TBPL2: variants seen among roughly 807,000 people sequenced by gnomAD.
TBPL2 encodes TATA box-binding protein-like 2.
TBPL2 carries 40 observed loss-of-function variants against 38.2 expected under a neutral mutation model. The observed-to-expected ratio is 1.05, with a 90% confidence interval of 0.81 to 1.36. The LOEUF (loss-of-function observed/expected upper bound fraction) is 1.36. TBPL2 is among the 40% of genes most tolerant of loss of function. The pLI is 0.00. For missense variants in TBPL2, 461 were observed against 456.7 expected, an observed-to-expected ratio of 1.01 and a Z score of -0.09; for synonymous variants, 169 against 171.7, an observed-to-expected ratio of 0.98 and a Z score of 0.12.
intron 6 of TBPL2, 60 bp from the exon 7 acceptor site, chr14:55,414,515 C>T: frequency 8.0e-7 from 1 of 1,250,490 alleles, no homozygotes; most frequent in Non-Finnish European, 1.1e-6. Flanking sequence ...TTTACTTAAA[C>T]ACTAAAATTT....
intron 1 of TBPL2, among the ~76,000 whole-genome samples, chr14:55,438,395 T>A (rs1423359760): frequency 6.6e-6 from 1 of 152,204 alleles, no homozygotes; most frequent in Non-Finnish European, 1.5e-5. Flanking sequence ...TACGCTCCCA[T>A]CTTTCCCCAC....
At chr14:55,415,007 A>G (rs1885647465) in intron 6 of TBPL2, among the ~76,000 whole-genome samples, 1 of 152,188 alleles carries the variant, frequency 6.6e-6, no homozygotes, top group Non-Finnish European at 1.5e-5. Context: ...AGAAATTGTA[A>G]ATCATAACTG....
At chr14:55,422,127 A>G (rs1161474818) in intron 6 of TBPL2, among the ~76,000 whole-genome samples, 2 of 152,340 alleles carry the variant, frequency 1.3e-5, no homozygotes, top group South Asian at 2.1e-4. Flanking sequence ...GAACAGCCAC[A>G]TATGTAAAAG....
At chr14:55,423,380 C>T (rs867897964) in intron 6 of TBPL2, among the ~76,000 whole-genome samples, 16 of 152,178 alleles carry the variant, frequency 1.1e-4, no homozygotes, top group African/African-American at 3.4e-4. Flanking sequence ...TAGCCTTAAA[C>T]GAAAGTCCCA....
intron 5 of TBPL2, among the ~76,000 whole-genome samples, chr14:55,426,741 A>G (rs1241692884): frequency 6.6e-6 from 1 of 152,086 alleles, no homozygotes; most frequent in Non-Finnish European, 1.5e-5. Flanking sequence ...AGAAAAGAAA[A>G]GATGACTGAG....
chr14:55,426,772 G>A (rs752137569), intron 5 of TBPL2, among the ~76,000 whole-genome samples: 3 of 152,136 alleles, frequency 2.0e-5, no homozygotes, highest in Non-Finnish European at 2.9e-5. Context: ...TGTCCCAGGA[G>A]GAAGATAGAA....
Position 55,414,300 on chromosome 14 carries a change from G to A in TBPL2, c.*79C>T, listed in dbSNP as rs17128455. ...GTACTTGTAACATCTACAATTAAAC[G>A]TAGAAGAATCCAGCTGTTTCTGTGC... On this transcript the variant is annotated 3_prime_UTR_variant, in exon 7 of 7. Coordinates refer to ENST00000247219, the Ensembl canonical transcript of TBPL2. 3,719 of 1,086,716 alleles carry A rather than the reference G, an allele frequency of 3.4e-3. 93 individuals are homozygous for A. In the African/African-American group the frequency reaches 0.054, roughly 16 times the overall value. The allele number at this position is 1,086,716 out of a possible 1,614,324, so 67.3% of individuals were successfully genotyped here.
chr14:55,427,292 C>T (rs538039159), intron 5 of TBPL2, among the ~76,000 whole-genome samples: 2 of 151,874 alleles, frequency 1.3e-5, no homozygotes, highest in East Asian at 3.9e-4. Context: ...AGTGAAAAAA[C>T]TGAAGAAAAA....
At position 55,433,360 on chromosome 14, in the gene TBPL2, C is replaced by T. The variant is rs566621593; in HGVS notation, c.788+270G>A. Among the ~76,000 whole-genome samples the T allele has an allele frequency of 1.2e-4, 17 of 145,598 alleles. 1 individual carries two copies. In the East Asian group the frequency reaches 3.0e-3, roughly 26 times the overall value. Reference sequence around the variant, plus strand: ...CAGAGATGGAGTCTCACTGTGTTGCCCAGGCTGGTCTCAAACTCCTGGGCT... The same window carrying T: ...CAGAGATGGAGTCTCACTGTGTTGCTCAGGCTGGTCTCAAACTCCTGGGCT... On this transcript the variant is annotated intron_variant, in intron 4 of 6. Coordinates refer to ENST00000247219, the Ensembl canonical transcript of TBPL2.
intron 6 of TBPL2, among the ~76,000 whole-genome samples, chr14:55,414,811 C>A (rs969422214): frequency 6.6e-6 from 1 of 152,126 alleles, no homozygotes; most frequent in Non-Finnish European, 1.5e-5. Flanking sequence ...TTCTTTTGAT[C>A]CACGTCCTCT....
chr14:55,420,735 A>ACTT (rs35576164), intron 6 of TBPL2, among the ~76,000 whole-genome samples: 43,538 of 151,832 alleles, frequency 0.29, 8,226 homozygotes, highest in African/African-American at 0.55. Flanking sequence ...GTGATTTGAA[A>ACTT]CTGGCAAATG....
intron 6 of TBPL2, among the ~76,000 whole-genome samples, chr14:55,420,120 G>C (rs538039249): frequency 1.3e-5 from 2 of 152,308 alleles, no homozygotes; most frequent in East Asian, 3.9e-4. Flanking sequence ...ACCCAGGCTA[G>C]AGTGCAGTGG....
intron 5 of TBPL2, among the ~76,000 whole-genome samples, chr14:55,426,339 A>G (rs1165746197): frequency 2.6e-5 from 4 of 152,146 alleles, no homozygotes. Context: ...TGATTATGTC[A>G]TAGAAAGATT....
At chr14:55,427,743 A>G (rs1017839572) in intron 5 of TBPL2, among the ~76,000 whole-genome samples, 1 of 152,032 alleles carries the variant, frequency 6.6e-6, no homozygotes, top group Non-Finnish European at 1.5e-5. Flanking sequence ...AGCTGTTGAG[A>G]CGGGAAGTCT....
chr14:55,431,035 T>A (rs10135812), intron 4 of TBPL2, among the ~76,000 whole-genome samples: 35,819 of 152,104 alleles, frequency 0.24, 7,258 homozygotes, highest in African/African-American at 0.56. Context: ...GAAAGTAGTT[T>A]AAAAATCTTA....
exon 1 of TBPL2, chr14:55,440,519 C>T (rs754665617): frequency 2.5e-6 from 4 of 1,609,740 alleles, no homozygotes; most frequent in African/African-American, 2.7e-5. Context: ...GCCTCGGAAC[C>T]CGCTCCGGCC....
intron 6 of TBPL2, among the ~76,000 whole-genome samples, chr14:55,420,096 AC>A (rs1885720111): frequency 6.6e-6 from 1 of 151,710 alleles, no homozygotes. Context: ...TTTGAGACAG[AC>A]TCTTGCTCTG....
intron 4 of TBPL2, among the ~76,000 whole-genome samples, chr14:55,430,180 T>C (rs1428189826): frequency 3.3e-5 from 5 of 152,034 alleles, no homozygotes; most frequent in Admixed American, 3.3e-4. Context: ...ACCTGCAGGG[T>C]GAATCAGGTG....
chr14:55,431,803 A>G (rs756700990), intron 4 of TBPL2, among the ~76,000 whole-genome samples: 62 of 152,368 alleles, frequency 4.1e-4, no homozygotes, highest in Middle Eastern at 3.4e-3. Context: ...TCCAATTAAT[A>G]TAAATTCAGT....
Sources: gnomAD v4.1 joint callset for allele counts (sites outside exome capture counted in the v4.1 genomes callset) on GRCh38, gnomAD v4.1.1 for gene constraint, MANE v1.5 for transcripts, NCBI Gene and HGNC (gene_info 2026-07-23, HGNC 2026-07-21) for gene names.